Variants in SLC2A9 observed in about 807,000 individuals in gnomAD.
SLC2A9 encodes solute carrier family 2 member 9.
A neutral mutation model predicts 50.6 loss-of-function variants in SLC2A9; 39 were observed. That is an observed-to-expected ratio of 0.77 (90% CI 0.60 to 1.01). SLC2A9 has a LOEUF of 1.01. Among genes scored for constraint, SLC2A9 ranks in the 50% least tolerant of loss-of-function variants. The pLI is 0.00. For missense variants in SLC2A9, 686 were observed against 677.6 expected (o/e 1.01, Z -0.14); for synonymous variants, 324 against 276.9 (o/e 1.17, Z -1.69).
At chr4:9,779,516 G>A (rs183863613), downstream of SLC2A9, among the ~76,000 whole-genome samples, 376 of 151,336 alleles carry the variant, frequency 2.5e-3, 3 homozygotes, top group African/African-American at 8.3e-3. Flanking sequence ...CTGGGTTCAC[G>A]CCATTCTCCT....
At position 9,951,669 on chromosome 4, in the gene SLC2A9, G is replaced by A. The variant is rs368289055; in HGVS notation, c.682-9624C>T. On this transcript the variant is annotated intron_variant, in intron 5 of 11. Transcript: ENST00000264784. ...CATCTTTAGGAATTTGGCTTTTTGA[G>A]AACTGTCCTTTCTGTCTAAAGGAAA... Among the ~76,000 whole-genome samples, 79 of 152,006 alleles carry A rather than the reference G, an allele frequency of 5.2e-4. 1 individual carries two copies. The highest frequency in any genetic ancestry group is 1.8e-3 in the African/African-American group (73 of 41,380).
At chr4:9,790,253 GA>G (rs973701313) in intron 3 of SLC2A9, among the ~76,000 whole-genome samples, 2 of 152,164 alleles carry the variant, frequency 1.3e-5, no homozygotes, top group African/African-American at 4.8e-5. Context: ...TTGAGGTTCT[GA>G]AACCATTATC....
intron 10 of SLC2A9, among the ~76,000 whole-genome samples, chr4:9,868,078 C>T (rs1732796858): frequency 6.6e-6 from 1 of 152,224 alleles, no homozygotes; most frequent in Non-Finnish European, 1.5e-5. Flanking sequence ...TGAAAGATCC[C>T]CAAGTGGTGG....
intron 5 of SLC2A9, among the ~76,000 whole-genome samples, chr4:9,946,201 T>C (rs1749112428): frequency 6.6e-6 from 1 of 150,514 alleles, no homozygotes; most frequent in Non-Finnish European, 1.5e-5. Flanking sequence ...AAGGTGATTT[T>C]TAACTCCCAG....
intron 10 of SLC2A9, chr4:9,880,527 A>C: frequency 2.0e-6 from 2 of 985,382 alleles, no homozygotes; most frequent in South Asian, 4.7e-5. Flanking sequence ...CATTGCAAAA[A>C]GTCTTGGGAG....
intron 5 of SLC2A9, among the ~76,000 whole-genome samples, chr4:9,951,642 A>T (rs1430685234): frequency 1.3e-5 from 2 of 152,218 alleles, no homozygotes; most frequent in Non-Finnish European, 2.9e-5. Context: ...AAAAACAGTA[A>T]TCATCTTTAG....
intron 3 of SLC2A9, among the ~76,000 whole-genome samples, chr4:9,818,828 T>C (rs1007391733): frequency 2.0e-5 from 3 of 152,112 alleles, no homozygotes; most frequent in Non-Finnish European, 4.4e-5. Flanking sequence ...AGGTGAAAAG[T>C]ATACAGGTCT....
At chr4:9,978,947 T>C (rs186200516) in intron 5 of SLC2A9, among the ~76,000 whole-genome samples, 1 of 152,342 alleles carries the variant, frequency 6.6e-6, no homozygotes. Context: ...AAAAATGGAA[T>C]ACAGTGATTC....
intron 10 of SLC2A9, among the ~76,000 whole-genome samples, chr4:9,843,595 T>C (rs953514283): frequency 3.3e-5 from 5 of 152,190 alleles, no homozygotes; most frequent in Non-Finnish European, 7.3e-5. Context: ...GCAGGCTCTA[T>C]GTGACCTTGG....
intron 10 of SLC2A9, among the ~76,000 whole-genome samples, chr4:9,876,949 A>G (rs189665595): frequency 6.6e-6 from 1 of 152,344 alleles, no homozygotes; most frequent in African/African-American, 2.4e-5. Flanking sequence ...ACAGTTTTTC[A>G]AAAATTATGA....
At chr4:10,008,312 A>G (rs1168716867) in intron 2 of SLC2A9, among the ~76,000 whole-genome samples, 8 of 152,056 alleles carry the variant, frequency 5.3e-5, no homozygotes, top group African/African-American at 1.9e-4. Flanking sequence ...TGGCACTCAC[A>G]GCCTGGGACA....
intron 3 of SLC2A9, among the ~76,000 whole-genome samples, chr4:9,814,782 A>G (rs1723351102): frequency 1.3e-5 from 2 of 152,048 alleles, no homozygotes; most frequent in Admixed American, 6.6e-5. Flanking sequence ...TTCTGCTTGT[A>G]TCGCATTTTC....
At chr4:9,960,215 C>T (rs1490927273) in intron 5 of SLC2A9, among the ~76,000 whole-genome samples, 2 of 152,214 alleles carry the variant, frequency 1.3e-5, no homozygotes, top group African/African-American at 4.8e-5. Context: ...CTCTCCAGGG[C>T]CTTGAGCCTA....
chr4:10,014,991 C>T (rs903896102), intron 2 of SLC2A9, among the ~76,000 whole-genome samples: 2 of 152,320 alleles, frequency 1.3e-5, no homozygotes, highest in Non-Finnish European at 2.9e-5. Flanking sequence ...AAGCTGTCTT[C>T]GGTTTCTCAG....
At chr4:10,005,537 C>T (rs1343303736) in intron 2 of SLC2A9, among the ~76,000 whole-genome samples, 5 of 152,308 alleles carry the variant, frequency 3.3e-5, no homozygotes, top group South Asian at 2.1e-4. Context: ...AGGGATTAGA[C>T]TAGAGGATGC....
chr4:10,013,729 G>A (rs142442632), intron 2 of SLC2A9, among the ~76,000 whole-genome samples: 2 of 152,138 alleles, frequency 1.3e-5, no homozygotes, highest in South Asian at 2.1e-4. Context: ...CAGGGCCAAC[G>A]GCAGCTACTG....
At chr4:9,774,335 T>C (rs986244686) in intron 1 of SLC2A9, among the ~76,000 whole-genome samples, 2 of 152,168 alleles carry the variant, frequency 1.3e-5, no homozygotes, top group African/African-American at 4.8e-5. Context: ...GCAGGGAGAA[T>C]GTTTAGTGTT....
intron 2 of SLC2A9, among the ~76,000 whole-genome samples, chr4:10,000,580 A>G (rs1443891622): frequency 6.6e-6 from 1 of 152,256 alleles, no homozygotes; most frequent in East Asian, 1.9e-4. Flanking sequence ...TGCACTCACA[A>G]TTGCAGGATG....
intron 10 of SLC2A9, among the ~76,000 whole-genome samples, chr4:9,868,343 C>G (rs1364650018): frequency 6.6e-6 from 1 of 152,194 alleles, no homozygotes; most frequent in African/African-American, 2.4e-5. Flanking sequence ...GGCAGCTGTT[C>G]CCATAAACTC....
Sources: gnomAD v4.1 joint callset for allele counts (sites outside exome capture counted in the v4.1 genomes callset) on GRCh38, gnomAD v4.1.1 for gene constraint, MANE v1.5 for transcripts, NCBI Gene and HGNC (gene_info 2026-07-23, HGNC 2026-07-21) for gene names.